Variants in ZNF45 observed in about 807,000 individuals in gnomAD.
The protein encoded by ZNF45 is BRC1744.
ZNF45 carries 4 observed loss-of-function variants against 12.0 expected under a neutral mutation model. That is an observed-to-expected ratio of 0.33 (90% CI 0.16 to 0.76). The LOEUF is 0.76. Ranked by LOEUF, ZNF45 falls within the 30% of genes least tolerant of loss-of-function variation. ZNF45 has a pLI of 0.60. For synonymous variants in ZNF45, 272 were observed against 279.6 expected, an observed-to-expected ratio of 0.97 and a Z score of 0.27; for missense variants, 700 against 813.0, an observed-to-expected ratio of 0.86 and a Z score of 1.69.
Position 43,913,302 on chromosome 19 carries a change from C to G in ZNF45, c.*85G>C. 1 of 1,476,410 alleles carries G rather than the reference C, an allele frequency of 6.8e-7. No homozygotes were observed. The highest frequency in any genetic ancestry group is 9.0e-7 in the Non-Finnish European group (1 of 1,107,270). The allele number at this position is 1,476,410 out of a possible 1,614,324, so 91.5% of individuals were successfully genotyped here. A position where few individuals can be genotyped will look rare whatever the true frequency, so the allele number is the denominator to read the frequency against. On this transcript the variant is annotated 3_prime_UTR_variant, in exon 10 of 10. Coordinates refer to ENST00000269973, the MANE Select transcript of ZNF45 (RefSeq NM_003425.4). ...GTCTCCCAATCACTTGGCTGAACTACTGACTCTATAAAACAAATGTTTTGT... is the reference window on the plus strand; with the variant it reads ...GTCTCCCAATCACTTGGCTGAACTAGTGACTCTATAAAACAAATGTTTTGT...
intron 9 of ZNF45, among the ~76,000 whole-genome samples, chr19:43,918,518 AAAG>A (rs1462155870): frequency 2.0e-5 from 3 of 152,194 alleles, no homozygotes; most frequent in Non-Finnish European, 2.9e-5. Flanking sequence ...AGGACGCAGC[AAAG>A]AAGGTGCTGT....
At chr19:43,920,281 T>C (rs777641334) in intron 7 of ZNF45, among the ~76,000 whole-genome samples, 1 of 152,190 alleles carries the variant, frequency 6.6e-6, no homozygotes, top group African/African-American at 2.4e-5. Flanking sequence ...CTGTAAAATT[T>C]CTAGTGATGA....
At chr19:43,922,474 T>G (rs1465534872) in intron 6 of ZNF45, among the ~76,000 whole-genome samples, 1 of 152,094 alleles carries the variant, frequency 6.6e-6, no homozygotes, top group African/African-American at 2.4e-5. Context: ...AATTTCTCCT[T>G]GTGGCTCTCA....
intron 3 of ZNF45, among the ~76,000 whole-genome samples, chr19:43,930,238 A>G (rs1599791124): frequency 6.6e-6 from 1 of 152,284 alleles, no homozygotes; most frequent in African/African-American, 2.4e-5. Context: ...TTATAAGAGC[A>G]TTAACTCCTT....
intron 3 of ZNF45, among the ~76,000 whole-genome samples, chr19:43,927,829 T>C (rs1973811387): frequency 6.6e-6 from 1 of 152,072 alleles, no homozygotes; most frequent in African/African-American, 2.4e-5. Context: ...GATAGCAGTC[T>C]GGATAAAGAA....
In ZNF45 at chr19:43,935,114, C is replaced by T. The variant is rs1021675237; in HGVS notation, c.-946G>A. 8 of 152,408 alleles carry T rather than the reference C, an allele frequency of 5.2e-5. No homozygotes were observed. The highest frequency in any genetic ancestry group is 1.9e-4 in the African/African-American group (8 of 41,464). 9.4% of individuals were successfully genotyped at this position (152,408 alleles called of 1,614,324 possible). ...AATCAGCTGCCCAGCCATTCAACTC[C>T]GCCCTCCGCTGCTCGCCGCAGCGTC... On this transcript the variant is annotated 5_prime_UTR_variant, in exon 1 of 10. Transcript: ENST00000269973.
chr19:43,913,294 C>T lies in ZNF45; in HGVS notation c.*93G>A, dbSNP rs1188753527. 1 of 1,444,550 alleles carries T rather than the reference C, an allele frequency of 6.9e-7. No homozygotes were observed. The highest frequency in any genetic ancestry group is 1.4e-5 in the African/African-American group (1 of 70,486). The allele number at this position is 1,444,550 out of a possible 1,614,324, so 89.5% of individuals were successfully genotyped here. A position where few individuals can be genotyped will look rare whatever the true frequency, so the allele number is the denominator to read the frequency against. Reference sequence around the variant, plus strand: ...GCTGTGTGGTCTCCCAATCACTTGGCTGAACTACTGACTCTATAAAACAAA... The same window carrying T: ...GCTGTGTGGTCTCCCAATCACTTGGTTGAACTACTGACTCTATAAAACAAA... On this transcript the variant is annotated 3_prime_UTR_variant, in exon 10 of 10. Coordinates refer to ENST00000269973, the MANE Select transcript of ZNF45 (RefSeq NM_003425.4).
In ZNF45 at chr19:43,925,445, G is replaced by A. The variant is rs151076660; in HGVS notation, c.-386C>T. 2.0e-5 allele frequency: 3 copies of A among 152,110 alleles called. No individual in the cohort carries two copies. Among genetic ancestry groups the A allele is most frequent in the African/African-American group, 4.8e-5 (2 of 41,392 alleles). The allele number at this position is 152,110 out of a possible 1,614,324, so 9.4% of individuals were successfully genotyped here. ...AAATGGAGTTCTTGTAGCTCTCAGG[G>A]TATGATTCTGATTCTATGGAGGGTG... On this transcript the variant is annotated 5_prime_UTR_variant, in exon 4 of 10. Transcript: ENST00000269973.
In ZNF45 at chr19:43,914,317, T is replaced by G; in HGVS notation, c.1119A>C (p.Ser373=). Residue 373 remains serine (S), a synonymous_variant, in exon 10 of 10, where the codon TCA becomes TCC. Coordinates refer to ENST00000269973, the MANE Select transcript of ZNF45 (RefSeq NM_003425.4). ...GGCTTATCTGATGGGCCTGAAGGTG[T>G]GAACCCACACTGAAACCTTTCCCAC... ...EECGKGFSVG[S]HLQAHQISHT... is the part of the protein sequence containing the mutation. 2 of 1,612,510 alleles carry G rather than the reference T, an allele frequency of 1.2e-6. No homozygotes were observed. Among genetic ancestry groups the G allele is most frequent in the Non-Finnish European group, 1.7e-6 (2 of 1,179,204 alleles).
rs554907340 is a variant in ZNF45 at position 43,919,679 on chromosome 19, G to A, written c.36C>T (p.Asp12=). The change falls in exon 8 of 10, where the codon GAC becomes GAT. Residue 12 remains aspartate, a synonymous_variant. Transcript: ENST00000269973. The part of the protein sequence containing the change: ...TKSKEAVTFK[D]VAVVFSEEEL... Reference sequence around the variant, plus strand: ...CCTCCTCAGAGAAGACCACAGCCACGTCCTTGAATGTCACTGCCTCCTACA... The same window carrying A: ...CCTCCTCAGAGAAGACCACAGCCACATCCTTGAATGTCACTGCCTCCTACA... 9.9e-6 allele frequency: 16 copies of A among 1,612,000 alleles called. No individual in the cohort carries two copies. The highest frequency in any genetic ancestry group is 4.0e-5 in the African/African-American group (3 of 74,920).
chr19:43,915,804 A>C (rs1374259639), intron 9 of ZNF45, among the ~76,000 whole-genome samples: 1 of 152,138 alleles, frequency 6.6e-6, no homozygotes, highest in East Asian at 1.9e-4. Context: ...TCTGTGGAAA[A>C]ACCATCTTCC....
chr19:43,924,902 T>C (rs1156451091), intron 4 of ZNF45, among the ~76,000 whole-genome samples: 1 of 152,054 alleles, frequency 6.6e-6, no homozygotes, highest in Admixed American at 6.5e-5. Flanking sequence ...AAACAATCAA[T>C]AGAAGTTACA....
rs1483311798 is a variant in ZNF45 at position 43,935,259 on chromosome 19, C to T, written c.-1091G>A. ...ACGAGAGGAATGAAGGCCGCGCTCT[C>T]AACCTCTTGCCGCGGAAGTGCCCGG... On this transcript the variant is annotated 5_prime_UTR_variant, in exon 1 of 10. Transcript: ENST00000269973. The T allele has an allele frequency of 1.3e-5, 2 of 152,306 alleles. No homozygotes were observed. The highest frequency in any genetic ancestry group is 2.9e-5 in the Non-Finnish European group (2 of 68,080). The allele number at this position is 152,306 out of a possible 1,614,324, so 9.4% of individuals were successfully genotyped here.
chr19:43,922,322 C>T (rs199808112), intron 6 of ZNF45, 105 bp from the exon 7 acceptor site: 11 of 699,654 alleles, frequency 1.6e-5, no homozygotes, highest in Middle Eastern at 2.5e-4. Flanking sequence ...TTTTTTTTAA[C>T]GTGAAATAGC....
chr19:43,934,376 A>G (rs1699385124), intron 2 of ZNF45, 50 bp downstream of exon 2: 1 of 152,242 alleles, frequency 6.6e-6, no homozygotes, highest in African/African-American at 2.4e-5. Context: ...CTCCAATTAT[A>G]CAATAACGGA....
At chr19:43,930,547 C>T (rs1483561397) in intron 3 of ZNF45, among the ~76,000 whole-genome samples, 1 of 152,088 alleles carries the variant, frequency 6.6e-6, no homozygotes, top group East Asian at 1.9e-4. Context: ...CCAAGGGCAC[C>T]CAGGAAACCA....
intron 3 of ZNF45, among the ~76,000 whole-genome samples, chr19:43,931,848 C>T (rs1974167967): frequency 6.6e-6 from 1 of 152,168 alleles, no homozygotes; most frequent in Non-Finnish European, 1.5e-5. Context: ...TCTGGCTCTG[C>T]CCCGCTGATT....
At chr19:43,926,035 G>A (rs1263099385) in intron 3 of ZNF45, among the ~76,000 whole-genome samples, 2 of 151,930 alleles carry the variant, frequency 1.3e-5, no homozygotes, top group Admixed American at 6.6e-5. Context: ...TATTTCCATC[G>A]CCTCGGGAAA....
chr19:43,920,535 T>TA (rs1014922542), intron 7 of ZNF45, among the ~76,000 whole-genome samples: 1 of 22,346 alleles, frequency 4.5e-5, no homozygotes, highest in African/African-American at 8.7e-5. Context: ...TGTTGCCGGG[T>TA]GGGGGGGGGG....
Sources: gnomAD v4.1 joint callset for allele counts (sites outside exome capture counted in the v4.1 genomes callset) on GRCh38, gnomAD v4.1.1 for gene constraint, MANE v1.5 for transcripts, NCBI Gene and HGNC (gene_info 2026-07-23, HGNC 2026-07-21) for gene names.